PITPNC1: variants seen among roughly 807,000 people sequenced by gnomAD.
The protein encoded by PITPNC1 is cytoplasmic phosphatidylinositol transfer protein 1.
A neutral mutation model predicts 44.7 loss-of-function variants in PITPNC1; 18 were observed. The ratio of observed to expected loss-of-function variants is 0.40; its 90% CI spans 0.28 to 0.60. The LOEUF (loss-of-function observed/expected upper bound fraction) is 0.60, where lower values mean the gene tolerates loss of function less well. PITPNC1 is among the 20% of genes least tolerant of loss of function. The pLI, the probability that PITPNC1 is intolerant of heterozygous loss-of-function variation, is 0.39. For synonymous variants in PITPNC1, 141 were observed against 149.6 expected, an observed-to-expected ratio of 0.94 and a Z score of 0.42; for missense variants, 290 against 418.4, an observed-to-expected ratio of 0.69 and a Z score of 2.68.
At chr17:67,667,266 C>T (rs150333806) in intron 6 of PITPNC1, among the ~76,000 whole-genome samples, 5 of 152,032 alleles carry the variant, frequency 3.3e-5, no homozygotes, top group South Asian at 4.1e-4. Flanking sequence ...CGGTGACCCA[C>T]GCCTTTAATA....
At chr17:67,606,976 C>A (rs1275579028) in intron 5 of PITPNC1, among the ~76,000 whole-genome samples, 1 of 152,156 alleles carries the variant, frequency 6.6e-6, no homozygotes, top group Non-Finnish European at 1.5e-5. Flanking sequence ...AATAACCCTT[C>A]CAACCTGCTC....
chr17:67,497,005 G>A (rs1013947242), intron 1 of PITPNC1, among the ~76,000 whole-genome samples: 21 of 152,036 alleles, frequency 1.4e-4, no homozygotes, highest in Middle Eastern at 3.4e-3. Flanking sequence ...GTGTGCCTGT[G>A]GTCCCAGCTA....
intron 1 of PITPNC1, among the ~76,000 whole-genome samples, chr17:67,513,016 C>A (rs1264816959): frequency 2.6e-5 from 4 of 151,964 alleles, no homozygotes; most frequent in Non-Finnish European, 5.9e-5. Flanking sequence ...ATAAAATAAA[C>A]ACAACATAAT....
At chr17:67,575,347 TG>T (rs770097483) in intron 4 of PITPNC1, among the ~76,000 whole-genome samples, 39 of 152,224 alleles carry the variant, frequency 2.6e-4, no homozygotes, top group Non-Finnish European at 4.0e-4. Context: ...GCAGCGGTTA[TG>T]GAGTGAGAAG....
intron 1 of PITPNC1, among the ~76,000 whole-genome samples, chr17:67,388,579 C>G (rs2038089148): frequency 6.6e-6 from 1 of 152,024 alleles, no homozygotes; most frequent in African/African-American, 2.4e-5. Flanking sequence ...CTTGGCCTCT[C>G]AAAGTGTTGG....
chr17:67,593,826 T>G (rs1490225443), intron 5 of PITPNC1, among the ~76,000 whole-genome samples: 1 of 152,254 alleles, frequency 6.6e-6, no homozygotes, highest in East Asian at 1.9e-4. Flanking sequence ...AGTCACTGGC[T>G]CTGCAGTTGT....
At chr17:67,394,708 C>T (rs1003308770) in intron 1 of PITPNC1, among the ~76,000 whole-genome samples, 1 of 152,060 alleles carries the variant, frequency 6.6e-6, no homozygotes, top group Non-Finnish European at 1.5e-5. Flanking sequence ...TCGAGACCAT[C>T]CTGGCTAAAC....
intron 2 of PITPNC1, among the ~76,000 whole-genome samples, chr17:67,537,752 A>C (rs768307380): frequency 2.6e-5 from 4 of 152,082 alleles, no homozygotes; most frequent in Non-Finnish European, 5.9e-5. Context: ...GTGGGCGATC[A>C]TGAGGTCAGG....
rs71139168 is a variant in PITPNC1 at position 67,667,490 on chromosome 17, C to CAAAAAAAAAAAAAAAAAAAAAA, written c.463-2000_463-1999insAAAAAAAAAAAAAAAAAAAAAA. Among the ~76,000 whole-genome samples the CAAAAAAAAAAAAAAAAAAAAAA allele has an allele frequency of 2.8e-5, 3 of 107,644 alleles. 1 individual carries two copies. The highest frequency in any genetic ancestry group is 3.7e-5 in the Non-Finnish European group (2 of 54,078). 70.6% of individuals were successfully genotyped at this position (107,644 alleles called of 152,430 possible). A position where few individuals can be genotyped will look rare whatever the true frequency, so the allele number is the denominator to read the frequency against. On this transcript the variant is annotated intron_variant, in intron 6 of 8. Transcript: ENST00000581322. ...GCCGCAGTGAGCCATGATCCTTTCT[C>CAAAAAAAAAAAAAAAAAAAAAA]AAAAAAAAAAAAAAAAAAGTACTGA... is the stretch of plus-strand genomic sequence containing the variant.
At chr17:67,691,292 A>C (rs149793376) in intron 8 of PITPNC1, among the ~76,000 whole-genome samples, 56 of 152,322 alleles carry the variant, frequency 3.7e-4, no homozygotes, top group African/African-American at 1.3e-3. Context: ...TACATTAAAC[A>C]CATTAGGGAA....
intron 6 of PITPNC1, among the ~76,000 whole-genome samples, chr17:67,657,492 C>T (rs568107863): frequency 2.0e-5 from 3 of 150,740 alleles, no homozygotes; most frequent in South Asian, 2.1e-4. Flanking sequence ...GAAAGAACAT[C>T]GAGCTAGAAG....
At chr17:67,462,225 C>CTTTTTTTTTTTTT (rs549707875) in intron 1 of PITPNC1, among the ~76,000 whole-genome samples, 203 of 71,232 alleles carry the variant, frequency 2.8e-3, no homozygotes, top group African/African-American at 4.2e-3. Context: ...TTCTTTCTTT[C>CTTTTTTTTTTTTT]TTTTTTTTTT....
At chr17:67,692,442 G>C in intron 8 of PITPNC1, 130 bp from the exon 9 acceptor site, 1 of 654,568 alleles carries the variant, frequency 1.5e-6, no homozygotes, top group Non-Finnish European at 2.7e-6. Flanking sequence ...TGATACTTTG[G>C]GTGTATAATC....
At chr17:67,491,216 C>T (rs1169350454) in intron 1 of PITPNC1, among the ~76,000 whole-genome samples, 11 of 152,220 alleles carry the variant, frequency 7.2e-5, no homozygotes, top group African/African-American at 1.2e-4. Flanking sequence ...GGCGTGTGAA[C>T]GCAGCCGGCC....
chr17:67,484,393 G>T (rs1020044655), intron 1 of PITPNC1, among the ~76,000 whole-genome samples: 3 of 152,098 alleles, frequency 2.0e-5, no homozygotes, highest in African/African-American at 7.2e-5. Context: ...TCTGTTGAAA[G>T]GTTTTGTTAG....
chr17:67,688,891 T>C (rs956049844), intron 8 of PITPNC1, among the ~76,000 whole-genome samples: 3 of 152,220 alleles, frequency 2.0e-5, no homozygotes, highest in African/African-American at 7.2e-5. Context: ...TCAGTTTTAC[T>C]GTGATTATTA....
intron 1 of PITPNC1, among the ~76,000 whole-genome samples, chr17:67,390,045 GA>G: frequency 1.2e-5 from 1 of 82,422 alleles, no homozygotes; most frequent in African/African-American, 5.6e-5. Context: ...CCCATGTTCA[GA>G]GAGAGAGAGA....
intron 5 of PITPNC1, among the ~76,000 whole-genome samples, chr17:67,618,103 A>T (rs1165154213): frequency 6.6e-6 from 1 of 152,080 alleles, no homozygotes; most frequent in Non-Finnish European, 1.5e-5. Flanking sequence ...GCTCATGCTT[A>T]TAATCCCAGC....
chr17:67,439,895 A>AAAAC (rs201479890), intron 1 of PITPNC1, among the ~76,000 whole-genome samples: 2 of 152,196 alleles, frequency 1.3e-5, no homozygotes, highest in Non-Finnish European at 2.9e-5. Context: ...AAGATAAAGA[A>AAAAC]AAACAAACAA....
Sources: gnomAD v4.1 joint callset for allele counts (sites outside exome capture counted in the v4.1 genomes callset) on GRCh38, gnomAD v4.1.1 for gene constraint, MANE v1.5 for transcripts, NCBI Gene and HGNC (gene_info 2026-07-23, HGNC 2026-07-21) for gene names.